The following USPL1 variants were observed in gnomAD, a reference collection of about 807,000 sequenced individuals.
The protein encoded by USPL1 is SUMO-specific isopeptidase USPL1.
In USPL1, 27 loss-of-function variants were observed where a neutral mutation model predicts 51.5. The ratio of observed to expected loss-of-function variants is 0.52; its 90% CI spans 0.39 to 0.72. USPL1 has a LOEUF of 0.72. Among genes scored for constraint, USPL1 ranks in the 30% least tolerant of loss-of-function variants. The pLI, the probability that USPL1 is intolerant of heterozygous loss-of-function variation, is 0.00. For missense variants in USPL1, 1,226 were observed against 1,268.0 expected (o/e 0.97, Z 0.50); for synonymous variants, 451 against 459.6 (o/e 0.98, Z 0.24).
intron 4 of USPL1, among the ~76,000 whole-genome samples, chr13:30,632,962 T>TA (rs1487177827): frequency 6.6e-6 from 1 of 150,436 alleles, no homozygotes; most frequent in Non-Finnish European, 1.5e-5. Flanking sequence ...CCCAATAACT[T>TA]ACATTTACCT....
In USPL1 at chr13:30,631,556, A is replaced by G. The variant is rs560335154; in HGVS notation, c.868+82A>G. ...CATTCTGTCACCCAGGCTGGAGTGCAGTGGCATGATCATGTCTCCTTGCAG... is the reference window on the plus strand; with the variant it reads ...CATTCTGTCACCCAGGCTGGAGTGCGGTGGCATGATCATGTCTCCTTGCAG... On this transcript the variant is annotated intron_variant, in intron 4 of 8. Transcript: ENST00000255304. 5.1e-6 allele frequency: 7 copies of G among 1,362,534 alleles called. No homozygotes were observed. In the Admixed American group the frequency reaches 1.6e-4, roughly 31 times the overall value. The allele number at this position is 1,362,534 out of a possible 1,614,324, so 84.4% of individuals were successfully genotyped here.
intron 4 of USPL1, among the ~76,000 whole-genome samples, chr13:30,633,990 T>C (rs1376523032): frequency 6.6e-6 from 1 of 152,136 alleles, no homozygotes; most frequent in African/African-American, 2.4e-5. Context: ...CTTCGCAGTT[T>C]CATGGATAAG....
chr13:30,633,274 AATT>A (rs1382621380), intron 4 of USPL1, among the ~76,000 whole-genome samples: 1 of 152,208 alleles, frequency 6.6e-6, no homozygotes, highest in Non-Finnish European at 1.5e-5. Flanking sequence ...TACTATGCCT[AATT>A]ATAAAACTTG....
At chr13:30,656,401 A>G (rs1951164485) in intron 8 of USPL1, among the ~76,000 whole-genome samples, 1 of 152,088 alleles carries the variant, frequency 6.6e-6, no homozygotes, top group South Asian at 2.1e-4. Flanking sequence ...CCACTATTCT[A>G]CTTTCTGTCT....
chr13:30,644,708 A>G (rs1950994917), intron 6 of USPL1, among the ~76,000 whole-genome samples: 1 of 152,204 alleles, frequency 6.6e-6, no homozygotes, highest in South Asian at 2.1e-4. Flanking sequence ...GAACAAAGAT[A>G]CATAATGGCT....
At chr13:30,647,917 A>G (rs537860189) in intron 7 of USPL1, among the ~76,000 whole-genome samples, 2 of 152,308 alleles carry the variant, frequency 1.3e-5, no homozygotes, top group African/African-American at 4.8e-5. Context: ...TCCCTCCTCC[A>G]GGTATCTACT....
intron 3 of USPL1, among the ~76,000 whole-genome samples, chr13:30,628,614 C>T (rs1440245965): frequency 6.6e-6 from 1 of 152,196 alleles, no homozygotes; most frequent in East Asian, 1.9e-4. Flanking sequence ...GTTCAGCTCC[C>T]ACTTACGAGT....
At chr13:30,639,343 C>T (rs1156389098) in intron 5 of USPL1, among the ~76,000 whole-genome samples, 10 of 151,922 alleles carry the variant, frequency 6.6e-5, no homozygotes. Flanking sequence ...TTCTTTGACT[C>T]ATGCTTCTGC....
chr13:30,641,571 T>C (rs1950947639), intron 5 of USPL1, among the ~76,000 whole-genome samples: 1 of 152,236 alleles, frequency 6.6e-6, no homozygotes, highest in African/African-American at 2.4e-5. Context: ...GAGCAACCAA[T>C]TGGAAAAAGA....
chr13:30,648,939 A>G (rs540306593), intron 7 of USPL1, among the ~76,000 whole-genome samples: 35 of 152,262 alleles, frequency 2.3e-4, no homozygotes, highest in Non-Finnish European at 4.3e-4. Flanking sequence ...TGCTTGGTGT[A>G]TATGATTTCA....
At position 30,660,509 on chromosome 13, in the gene USPL1, T is replaced by A. The variant is rs946728034; in HGVS notation, c.*1153T>A. Reference sequence around the variant, plus strand: ...AGGCTGACTGGAGCACCTGCCACCATCATTAGTTCAAGAGTTTATGCAGAT... The same window carrying A: ...AGGCTGACTGGAGCACCTGCCACCAACATTAGTTCAAGAGTTTATGCAGAT... On this transcript the variant is annotated 3_prime_UTR_variant, in exon 9 of 9. Coordinates refer to ENST00000255304, the MANE Select transcript of USPL1 (RefSeq NM_005800.5). The A allele has an allele frequency of 4.6e-5, 7 of 152,258 alleles. No homozygotes were observed. The highest frequency in any genetic ancestry group is 1.2e-4 in the African/African-American group (5 of 41,464). 9.4% of individuals were successfully genotyped at this position (152,258 alleles called of 1,614,324 possible). A position where few individuals can be genotyped will look rare whatever the true frequency, so the allele number is the denominator to read the frequency against.
At position 30,631,368 on chromosome 13, in the gene USPL1, C is replaced by T. The variant is rs753434271; in HGVS notation, c.762C>T (p.Thr254=). ...TGCACTCGGAAGAGTTAAAGAACAC[C>T]GTGACTGGACTGTGCTCGAAGGAGG... ...ALVHSEELKN[T]VTGLCSKEES... is the part of the protein sequence containing the mutation. Residue 254 remains threonine (T), a synonymous_variant, in exon 4 of 9, where the codon ACC becomes ACT. Coordinates refer to ENST00000255304, the MANE Select transcript of USPL1 (RefSeq NM_005800.5). The T allele has an allele frequency of 1.9e-5, 30 of 1,614,006 alleles. No individual in the cohort carries two copies. Among genetic ancestry groups the T allele is most frequent in the Non-Finnish European group, 2.5e-5 (29 of 1,180,030 alleles).
Position 30,653,131 on chromosome 13 carries a change from G to T in USPL1, c.1239-17G>T. ...GCATTAAATTTATTTAACTTCTCTT[G>T]CTTTTCTCTCCCACAGAGTATCTCC... On this transcript the variant is annotated splice_polypyrimidine_tract_variant and intron_variant, in intron 7 of 8. Coordinates refer to ENST00000255304, the MANE Select transcript of USPL1 (RefSeq NM_005800.5). The T allele has an allele frequency of 6.4e-7, 1 of 1,551,100 alleles. No homozygotes were observed. Among genetic ancestry groups the T allele is most frequent in the Non-Finnish European group, 8.7e-7 (1 of 1,142,970 alleles).
chr13:30,642,798 C>T (rs1386359361), intron 6 of USPL1, 41 bp downstream of exon 6: 3 of 1,594,300 alleles, frequency 1.9e-6, no homozygotes, highest in Admixed American at 3.5e-5. Flanking sequence ...CTTCTAGTTT[C>T]TCCACCACTA....
At chr13:30,656,101 G>A (rs1291669640) in intron 8 of USPL1, among the ~76,000 whole-genome samples, 1 of 152,180 alleles carries the variant, frequency 6.6e-6, no homozygotes, top group Non-Finnish European at 1.5e-5. Flanking sequence ...AAATTATCAT[G>A]TGGTAGTAAG....
chr13:30,634,134 G>A (rs955193717), intron 4 of USPL1, among the ~76,000 whole-genome samples: 6 of 152,116 alleles, frequency 3.9e-5, no homozygotes, highest in African/African-American at 9.7e-5. Flanking sequence ...TACTATGCTC[G>A]TGCTTTGGGG....
intron 1 of USPL1, 65 bp from the exon 2 acceptor site, chr13:30,621,008 A>G: frequency 1.5e-6 from 1 of 688,030 alleles, no homozygotes; most frequent in East Asian, 2.9e-5. Context: ...CTTATAAAAT[A>G]GCATGGTTCT....
In USPL1 at chr13:30,658,837, A is replaced by G; in HGVS notation, c.2760A>G (p.Leu920=). The change falls in exon 9 of 9, where the codon CTA becomes CTG. Residue 920 remains leucine (L), a synonymous_variant. Coordinates refer to ENST00000255304, the MANE Select transcript of USPL1 (RefSeq NM_005800.5). The part of the protein sequence containing the change: ...PQSRTVRSEN[L]EQVPQDGSPN... ...GCAGAACAGTTCGAAGTGAAAATCTAGAACAGGTGCCCCAGGATGGGTCTC... is the reference window on the plus strand; with the variant it reads ...GCAGAACAGTTCGAAGTGAAAATCTGGAACAGGTGCCCCAGGATGGGTCTC... 1 of 1,613,992 alleles carries G rather than the reference A, an allele frequency of 6.2e-7. No homozygotes were observed. Among genetic ancestry groups the G allele is most frequent in the Admixed American group, 1.7e-5 (1 of 60,026 alleles).
intron 8 of USPL1, among the ~76,000 whole-genome samples, chr13:30,656,005 A>C (rs1284881173): frequency 6.6e-6 from 1 of 152,136 alleles, no homozygotes; most frequent in Non-Finnish European, 1.5e-5. Context: ...GATTGTTTTG[A>C]TAAGTTTCTA....
Sources: allele counts gnomAD v4.1 joint callset (sites outside exome capture counted in the v4.1 genomes callset), GRCh38; gene constraint gnomAD v4.1.1; transcripts MANE v1.5; gene names NCBI Gene and HGNC (gene_info 2026-07-23, HGNC 2026-07-21).